UGT1A9: variants seen among roughly 807,000 people sequenced by gnomAD.
UGT1A9 encodes UDP-glucuronosyltransferase 1A9.
UGT1A9 carries 35 observed loss-of-function variants against 45.0 expected under a neutral mutation model. That is an observed-to-expected ratio of 0.78 (90% CI 0.59 to 1.03). The LOEUF is 1.03. Among genes scored for constraint, UGT1A9 ranks in the 50% least tolerant of loss-of-function variants. The pLI is 0.00. For synonymous variants in UGT1A9, 278 were observed against 250.6 expected (o/e 1.11, Z -1.03); for missense variants, 687 against 666.6 (o/e 1.03, Z -0.34).
rs368401609 is a variant in UGT1A9 at position 233,757,130 on chromosome 2, G to C, written c.856-9904G>C. 6.6e-5 allele frequency among the ~76,000 whole-genome samples: 10 copies of C among 151,528 alleles called. No homozygotes were observed. The East Asian group carries it at 9.8e-4, about 15-fold the overall frequency. ...AGCAGAAGGGCTAGAGAGGAGGAAT[G>C]AGCTTGGACAGGTGGGCTGGGGTCT... On this transcript the variant is annotated intron_variant, in intron 1 of 4. Coordinates refer to ENST00000354728, the MANE Select transcript of UGT1A9 (RefSeq NM_021027.3).
At chr2:233,719,378 G>T in intron 1 of UGT1A9, 1 of 1,613,952 alleles carries the variant, frequency 6.2e-7, no homozygotes, top group Non-Finnish European at 8.5e-7. Flanking sequence ...AGGGCACACA[G>T]TGTCCAAATC....
At chr2:233,681,183 T>C (rs1209270478) in intron 1 of UGT1A9, among the ~76,000 whole-genome samples, 1 of 151,944 alleles carries the variant, frequency 6.6e-6, no homozygotes, top group African/African-American at 2.4e-5. Flanking sequence ...CCTTGCTCTC[T>C]TTCCGTCGAA....
In UGT1A9 at chr2:233,755,401, T is replaced by C. The variant is rs995268070; in HGVS notation, c.856-11633T>C. 43 of 336,532 alleles carry C rather than the reference T, an allele frequency of 1.3e-4. 1 individual carries two copies. The Admixed American group carries it at 1.6e-3, about 13-fold the overall frequency. The allele number at this position is 336,532 out of a possible 1,614,324, so 20.8% of individuals were successfully genotyped here. A position where few individuals can be genotyped will look rare whatever the true frequency, so the allele number is the denominator to read the frequency against. On this transcript the variant is annotated intron_variant, in intron 1 of 4. Transcript: ENST00000354728. ...CCCCTTATGACGCAGCCACATCTCA[T>C]TGGCCGAGGCCTGTGAGCGCCTCGC...
chr2:233,715,350 G>A (rs756045317), intron 1 of UGT1A9, among the ~76,000 whole-genome samples: 3 of 151,318 alleles, frequency 2.0e-5, no homozygotes, highest in Non-Finnish European at 4.4e-5. Context: ...GTAGGTTTGA[G>A]GTTTGAGACT....
chr2:233,697,556 A>T, intron 1 of UGT1A9, among the ~76,000 whole-genome samples: 1 of 140,582 alleles, frequency 7.1e-6, no homozygotes, highest in African/African-American at 2.7e-5. Context: ...TTGTTTATTT[A>T]GCCTCAATTT....
intron 1 of UGT1A9, among the ~76,000 whole-genome samples, chr2:233,707,429 T>C (rs773966479): frequency 7.2e-5 from 11 of 152,196 alleles, no homozygotes; most frequent in Non-Finnish European, 1.6e-4. Context: ...ATTTCTTTGC[T>C]TTTCTTTACA....
At chr2:233,705,768 G>C (rs753829287) in intron 1 of UGT1A9, among the ~76,000 whole-genome samples, 1 of 152,178 alleles carries the variant, frequency 6.6e-6, no homozygotes, top group Non-Finnish European at 1.5e-5. Flanking sequence ...TGCATACTTT[G>C]AGTGTCTTAG....
chr2:233,729,041 C>T (rs1448371491), intron 1 of UGT1A9: 32 of 1,605,278 alleles, frequency 2.0e-5, no homozygotes, highest in Non-Finnish European at 2.7e-5. Flanking sequence ...CTAAGTGGCT[C>T]AGTGACAAGG....
intron 1 of UGT1A9, among the ~76,000 whole-genome samples, chr2:233,744,682 A>C (rs1267258070): frequency 1.3e-5 from 2 of 151,904 alleles, no homozygotes; most frequent in African/African-American, 4.9e-5. Flanking sequence ...TCACCCATGT[A>C]GCTTCTGGAA....
chr2:233,712,871 C>T (rs1381753023), intron 1 of UGT1A9: 1 of 1,585,042 alleles, frequency 6.3e-7, no homozygotes, highest in African/African-American at 1.3e-5. Context: ...GGAGGGCACT[C>T]TGTCTTCAAT....
rs770037031 is a variant in UGT1A9 at position 233,718,834 on chromosome 2, T to C, written c.855+46045T>C. The C allele has an allele frequency of 1.2e-5, 20 of 1,613,482 alleles. No homozygotes were observed. The highest frequency in any genetic ancestry group is 4.0e-5 in the African/African-American group (3 of 74,922). ...GCTTCTGCTGAGATGGCCAGAGGAC[T>C]CCAGGTTCCCCTGCCGCGGCTGGCC... is the stretch of plus-strand genomic sequence containing the variant. On this transcript the variant is annotated intron_variant, in intron 1 of 4. Transcript: ENST00000354728.
At chr2:233,750,789 A>G (rs555312200) in intron 1 of UGT1A9, 1 of 151,930 alleles carries the variant, frequency 6.6e-6, no homozygotes, top group African/African-American at 2.4e-5. Context: ...TACACAGAAG[A>G]TAAGAATTTA....
At chr2:233,760,403 A>G in intron 1 of UGT1A9, 1 of 1,614,240 alleles carries the variant, frequency 6.2e-7, no homozygotes, top group Non-Finnish European at 8.5e-7. Context: ...GATGGCAGCC[A>G]CTGGCTGAGC....
chr2:233,713,041 T>C (rs2076272665), intron 1 of UGT1A9: 1 of 1,614,036 alleles, frequency 6.2e-7, no homozygotes, highest in South Asian at 1.1e-5. Flanking sequence ...ACAGGACTGC[T>C]GCTTCTCCTC....
At chr2:233,750,935 G>GCC (rs1240414460) in intron 1 of UGT1A9, among the ~76,000 whole-genome samples, 5 of 151,828 alleles carry the variant, frequency 3.3e-5, no homozygotes, top group Non-Finnish European at 7.3e-5. Flanking sequence ...TGAGGTTGGA[G>GCC]CCCCCACACA....
intron 1 of UGT1A9, among the ~76,000 whole-genome samples, chr2:233,689,088 G>A (rs1435603489): frequency 6.6e-6 from 1 of 152,160 alleles, no homozygotes; most frequent in African/African-American, 2.4e-5. Context: ...TTAGTGGCCT[G>A]TGCCCCTCCC....
At chr2:233,761,168 G>A in intron 1 of UGT1A9, 1 of 1,614,168 alleles carries the variant, frequency 6.2e-7, no homozygotes, top group Non-Finnish European at 8.5e-7. Context: ...ATTGGAGTGG[G>A]ACTTTTACAT....
intron 1 of UGT1A9, among the ~76,000 whole-genome samples, chr2:233,742,483 C>T (rs1442583410): frequency 6.6e-6 from 1 of 151,916 alleles, no homozygotes; most frequent in African/African-American, 2.4e-5. Context: ...TCACAACCTT[C>T]AGCATAGGCA....
chr2:233,702,196 C>G lies in UGT1A9; in HGVS notation c.855+29407C>G, dbSNP rs575062785. On this transcript the variant is annotated intron_variant, in intron 1 of 4. Coordinates refer to ENST00000354728, the MANE Select transcript of UGT1A9 (RefSeq NM_021027.3). ...TTTCTCTCCTTCCTCCAGCCCCTGG[C>G]AGCCATTAATCAACTTTCTGTCCTT... Among the ~76,000 whole-genome samples, 5 of 152,328 alleles carry G rather than the reference C, an allele frequency of 3.3e-5. No individual in the cohort carries two copies. The South Asian group carries it at 1.0e-3, about 32-fold the overall frequency.
Sources: gnomAD v4.1 joint callset for allele counts (sites outside exome capture counted in the v4.1 genomes callset) on GRCh38, gnomAD v4.1.1 for gene constraint, MANE v1.5 for transcripts, NCBI Gene and HGNC (gene_info 2026-07-23, HGNC 2026-07-21) for gene names.